GPR174: variants seen among roughly 807,000 people sequenced by gnomAD.
GPR174 encodes probable G protein-coupled receptor 174.
In GPR174, 8 loss-of-function variants were observed where a neutral mutation model predicts 16.5. That is an observed-to-expected ratio of 0.48 (90% CI 0.28 to 0.87). GPR174 has a LOEUF of 0.87. GPR174 is among the 40% of genes least tolerant of loss of function. GPR174 has a pLI of 0.09. For synonymous variants in GPR174, 111 were observed against 94.8 expected, an observed-to-expected ratio of 1.17 and a Z score of -0.99; for missense variants, 214 against 247.5, an observed-to-expected ratio of 0.86 and a Z score of 0.91.
At chrX:79,148,185 G>T (rs1926538253) in intron 1 of GPR174, among the ~76,000 whole-genome samples, 1 of 111,343 alleles carries the variant, frequency 9.0e-6, no homozygotes, top group African/African-American at 3.3e-5. Context: ...CCCACCGTGG[G>T]AGCCAGGGTT....
rs757196608 is a variant in GPR174 at position 79,171,953 on chromosome X, G to A, written c.946G>A (p.Ala316Thr). 8.3e-7 allele frequency: 1 copy of A among 1,207,413 alleles called. No homozygotes were observed. Among genetic ancestry groups the A allele is most frequent in the Non-Finnish European group, 1.1e-6 (1 of 893,769 alleles). Residue 316 changes from alanine (A) to threonine (T), a missense_variant, in exon 3 of 3, where the codon GCA becomes ACA. By Grantham distance (58) the Ala-to-Thr change is moderately conservative (BLOSUM62 0). Transcript: ENST00000645147. ...QDLHDSIQLH[A>T]KSFVSNHTAS... ...TTTGCATGACAGCATCCAACTCCAT[G>A]CAAAATCCTTTGTGAGTAACCATAC...
Position 79,171,478 on chromosome X carries a change from C to T in GPR174, c.471C>T (p.Thr157=). 8.3e-7 allele frequency: 1 copy of T among 1,211,426 alleles called. No homozygotes were observed. Among genetic ancestry groups the T allele is most frequent in the Non-Finnish European group, 1.1e-6 (1 of 895,313 alleles). Residue 157 remains threonine (T), a synonymous_variant, in exon 3 of 3, where the codon ACC becomes ACT. Transcript: ENST00000645147. ...LACVLFPLLR[T]SDDTSGNRTK... ...GTGTACTCTTTCCACTCCTCAGAACCAGTGATGATACCTCTGGCAATAGGA... is the reference window on the plus strand; with the variant it reads ...GTGTACTCTTTCCACTCCTCAGAACTAGTGATGATACCTCTGGCAATAGGA...
chrX:79,162,026 A>G (rs1050762813), intron 2 of GPR174, among the ~76,000 whole-genome samples: 1 of 112,095 alleles, frequency 8.9e-6, no homozygotes, highest in Non-Finnish European at 1.9e-5. Context: ...AAATGAGGCA[A>G]TGACTGTGTT....
chrX:79,154,147 A>G (rs1921040231), intron 1 of GPR174, among the ~76,000 whole-genome samples: 2 of 111,064 alleles, frequency 1.8e-5, no homozygotes, highest in Non-Finnish European at 3.8e-5. Flanking sequence ...ATTACTCCAT[A>G]CATAGGCTGT....
intron 2 of GPR174, among the ~76,000 whole-genome samples, chrX:79,166,012 C>T (rs1249872923): frequency 1.8e-5 from 2 of 111,260 alleles, no homozygotes; most frequent in African/African-American, 6.5e-5. Flanking sequence ...CTGTCAGCAC[C>T]GAGAACAGGA....
rs569612926 is a variant in GPR174 at position 79,160,176 on chromosome X, T to C, written c.-557+3258T>C. Among the ~76,000 whole-genome samples the C allele has an allele frequency of 7.2e-5, 8 of 111,236 alleles. No individual in the cohort carries two copies. In the Admixed American group the frequency reaches 7.6e-4, roughly 11 times the overall value. ...AAACAATGTCATCATATCATGCTTTTGAACAAAAAAAGGCCTTTTTTTTCT... is the reference window on the plus strand; with the variant it reads ...AAACAATGTCATCATATCATGCTTTCGAACAAAAAAAGGCCTTTTTTTTCT... On this transcript the variant is annotated intron_variant, in intron 2 of 2. Transcript: ENST00000645147.
In GPR174 at chrX:79,172,129, C is replaced by T; in HGVS notation, c.*120C>T. On this transcript the variant is annotated 3_prime_UTR_variant, in exon 3 of 3. Coordinates refer to ENST00000645147, the MANE Select transcript of GPR174 (RefSeq NM_032553.3). ...AGCTTTTCAGTTCTGCTCTATCTTA[C>T]TGCTATGGGGAATTCACTTCTTCAA... 1.4e-6 allele frequency: 1 copy of T among 713,570 alleles called. No individual in the cohort carries two copies. The highest frequency in any genetic ancestry group is 2.0e-6 in the Non-Finnish European group (1 of 489,510). 58.8% of individuals were successfully genotyped at this position (713,570 alleles called of 1,213,427 possible).
intron 2 of GPR174, among the ~76,000 whole-genome samples, chrX:79,166,431 T>A (rs1276387362): frequency 6.5e-5 from 5 of 77,459 alleles, no homozygotes; most frequent in African/African-American, 2.5e-4. Flanking sequence ...TTTTCTTTTT[T>A]CTTTTTTTTT....
chrX:79,165,001 AT>A (rs1921323492), intron 2 of GPR174, among the ~76,000 whole-genome samples: 1 of 111,548 alleles, frequency 9.0e-6, no homozygotes, highest in African/African-American at 3.3e-5. Context: ...TTTCATGGGC[AT>A]TTTTTTGTGT....
chrX:79,167,661 T>C (rs1921409604), intron 2 of GPR174, among the ~76,000 whole-genome samples: 1 of 111,724 alleles, frequency 9.0e-6, no homozygotes, highest in Non-Finnish European at 1.9e-5. Context: ...AGTGACAACC[T>C]TCCTGCTGTC....
intron 2 of GPR174, among the ~76,000 whole-genome samples, chrX:79,161,226 C>G (rs1003840005): frequency 3.6e-5 from 4 of 111,470 alleles, no homozygotes; most frequent in Non-Finnish European, 7.5e-5. Context: ...GTAGGTACAC[C>G]GAAGGGGCAT....
chrX:79,159,498 T>C (rs756594515), intron 2 of GPR174, among the ~76,000 whole-genome samples: 56 of 112,182 alleles, frequency 5.0e-4, no homozygotes, highest in Non-Finnish European at 8.5e-4. Flanking sequence ...GTACTTACTA[T>C]AGAGCTTTAT....
chrX:79,153,817 A>G (rs1278295931), intron 1 of GPR174, among the ~76,000 whole-genome samples: 1 of 111,755 alleles, frequency 8.9e-6, no homozygotes, highest in African/African-American at 3.2e-5. Context: ...GGCCTTTTGA[A>G]TTAAAACTTA....
intron 1 of GPR174, among the ~76,000 whole-genome samples, chrX:79,150,925 C>A (rs752922781): frequency 1.8e-5 from 2 of 111,288 alleles, no homozygotes; most frequent in African/African-American, 6.5e-5. Context: ...AGCTTTCTCA[C>A]AGTTCTGTAC....
intron 1 of GPR174, among the ~76,000 whole-genome samples, chrX:79,151,259 A>G (rs1348217104): frequency 5.4e-5 from 6 of 111,799 alleles, no homozygotes; most frequent in Non-Finnish European, 1.1e-4. Context: ...TTTTGACAAC[A>G]ACTACATTTG....
chrX:79,147,219 T>G (rs1022271351), intron 1 of GPR174, among the ~76,000 whole-genome samples: 1 of 111,422 alleles, frequency 9.0e-6, no homozygotes, highest in East Asian at 2.8e-4. Context: ...CAAGTATCTC[T>G]GTCTGTCTGT....
At chrX:79,153,316 G>A (rs187093776) in intron 1 of GPR174, among the ~76,000 whole-genome samples, 3 of 111,718 alleles carry the variant, frequency 2.7e-5, no homozygotes, top group African/African-American at 6.5e-5. Context: ...GATATCTAGC[G>A]TGATGATTTG....
intron 2 of GPR174, among the ~76,000 whole-genome samples, chrX:79,163,664 A>AT (rs749273915): frequency 1.2e-4 from 13 of 112,501 alleles, no homozygotes; most frequent in Non-Finnish European, 2.3e-4. Flanking sequence ...ATCCTATGAA[A>AT]TAAGGAGTCA....
At chrX:79,153,211 C>T (rs1201583735) in intron 1 of GPR174, among the ~76,000 whole-genome samples, 5 of 111,859 alleles carry the variant, frequency 4.5e-5, no homozygotes, top group Non-Finnish European at 7.5e-5. Flanking sequence ...CCCAATTTAG[C>T]AACTGATTTT....
Sources: gnomAD v4.1 joint callset for allele counts (sites outside exome capture counted in the v4.1 genomes callset) on GRCh38, gnomAD v4.1.1 for gene constraint, MANE v1.5 for transcripts, NCBI Gene and HGNC (gene_info 2026-07-23, HGNC 2026-07-21) for gene names.